The following DNAJC21 variants were observed in gnomAD, a reference collection of about 807,000 sequenced individuals.
The protein encoded by DNAJC21 is DnaJ heat shock protein family (Hsp40) member C21, also known as dnaJ homolog subfamily C member 21.
In DNAJC21, 63 loss-of-function variants were observed where a neutral mutation model predicts 72.4. The ratio of observed to expected loss-of-function variants is 0.87; its 90% confidence interval spans 0.71 to 1.07. DNAJC21 has a LOEUF of 1.07. DNAJC21 is among the 50% of genes least tolerant of loss of function. The probability of loss-of-function intolerance (pLI) is 0.00; values close to 1 mark genes in which losing one functional copy is unlikely to be tolerated. For missense variants in DNAJC21, 634 were observed against 644.8 expected, an observed-to-expected ratio of 0.98 and a Z score of 0.18; for synonymous variants, 203 against 216.7, an observed-to-expected ratio of 0.94 and a Z score of 0.56.
intron 10 of DNAJC21, chr5:34,951,562 C>G: frequency 2.0e-6 from 2 of 981,646 alleles, no homozygotes; most frequent in Non-Finnish European, 2.4e-6. Context: ...GAGTCTCGCT[C>G]TGTTGCCCAG....
rs1765541694 is a variant in DNAJC21, at chr5:34,956,475, C to T, written c.*1761C>T. 1 of 152,060 alleles carries T rather than the reference C, an allele frequency of 6.6e-6. No homozygotes were observed. Among genetic ancestry groups the T allele is most frequent in the African/African-American group, 2.4e-5 (1 of 41,382 alleles). 9.4% of individuals were successfully genotyped at this position (152,060 alleles called of 1,614,324 possible). A position where few individuals can be genotyped will look rare whatever the true frequency, so the allele number is the denominator to read the frequency against. On this transcript the variant is annotated 3_prime_UTR_variant, in exon 12 of 12. Coordinates refer to ENST00000648817, the MANE Select transcript of DNAJC21 (RefSeq NM_001012339.3). Reference sequence around the variant, plus strand: ...CAGTTTTGTATCTTCTGATCTCGTACCCTGAGACTTCATCTGAATGTGCTC... The same window carrying T: ...CAGTTTTGTATCTTCTGATCTCGTATCCTGAGACTTCATCTGAATGTGCTC...
At chr5:34,934,990 C>A (rs1764724222) in intron 2 of DNAJC21, among the ~76,000 whole-genome samples, 2 of 152,278 alleles carry the variant, frequency 1.3e-5, no homozygotes, top group Admixed American at 1.3e-4. Flanking sequence ...CTTTTGCCTA[C>A]TCTCTTCTCA....
chr5:34,945,096 GA>G, intron 8 of DNAJC21, 71 bp downstream of exon 8: 1 of 1,544,510 alleles, frequency 6.5e-7, no homozygotes, highest in Non-Finnish European at 8.8e-7. Context: ...GGTTTTTTTT[GA>G]GATGGAGAAT....
chr5:34,943,827 T>C (rs905907180), intron 7 of DNAJC21, among the ~76,000 whole-genome samples: 3 of 152,238 alleles, frequency 2.0e-5, no homozygotes, highest in Non-Finnish European at 4.4e-5. Flanking sequence ...TTTCTTTTTT[T>C]CAGTGTTTTA....
chr5:34,936,057 T>G, intron 3 of DNAJC21, 87 bp from the exon 4 acceptor site: 1 of 1,534,242 alleles, frequency 6.5e-7, no homozygotes, highest in Non-Finnish European at 8.7e-7. Context: ...TCTTCAACAT[T>G]AAAATTTTTC....
rs1764524404 is a variant in DNAJC21, at chr5:34,929,884, C to T, written c.65C>T (p.Ala22Val). ...RDASEEELKK[A>V]YRKLALKWHP... ...GCCAGCGAGGAGGAGCTCAAGAAGGCCTATCGGAAGCTGGCCCTGAAATGG... is the reference window on the plus strand; with the variant it reads ...GCCAGCGAGGAGGAGCTCAAGAAGGTCTATCGGAAGCTGGCCCTGAAATGG... The change falls in exon 1 of 12, where the codon GCC becomes GTC. Residue 22 changes from alanine to valine, a missense_variant. Ala to Val is a moderately conservative substitution (Grantham distance 64). Coordinates refer to ENST00000648817, the MANE Select transcript of DNAJC21 (RefSeq NM_001012339.3). The T allele has an allele frequency of 6.3e-7, 1 of 1,584,472 alleles. No individual in the cohort carries two copies. Among genetic ancestry groups the T allele is most frequent in the Non-Finnish European group, 8.6e-7 (1 of 1,166,218 alleles).
chr5:34,946,550 A>T (rs1309789722), intron 9 of DNAJC21, among the ~76,000 whole-genome samples: 1 of 152,146 alleles, frequency 6.6e-6, no homozygotes, highest in African/African-American at 2.4e-5. Flanking sequence ...TATATTTAAT[A>T]GTCTTTTTTA....
At position 34,936,212 on chromosome 5, in the gene DNAJC21, G is replaced by A; in HGVS notation, c.384G>A (p.Glu128=). The change falls in exon 4 of 12, where the codon GAG becomes GAA. Residue 128 remains glutamate, a synonymous_variant. Coordinates refer to ENST00000648817, the MANE Select transcript of DNAJC21 (RefSeq NM_001012339.3). ...IAKEELESVL[E]EEVDDFPTFG... is the part of the protein sequence containing the mutation. ...AGGAAGAACTAGAATCTGTGTTAGA[G>A]GAAGAGGTTGATGATTTCCCAACTT... is the stretch of plus-strand genomic sequence containing the variant. 6.2e-7 allele frequency: 1 copy of A among 1,614,092 alleles called. No homozygotes were observed. The highest frequency in any genetic ancestry group is 2.2e-5 in the East Asian group (1 of 44,856).
chr5:34,940,969 A>T, intron 6 of DNAJC21, 127 bp from the exon 7 acceptor site: 1 of 770,952 alleles, frequency 1.3e-6, no homozygotes, highest in Non-Finnish European at 2.1e-6. Context: ...TAAAAAGCCA[A>T]CTCAAATCCT....
intron 8 of DNAJC21, among the ~76,000 whole-genome samples, chr5:34,945,327 C>T (rs1339054810): frequency 3.9e-5 from 6 of 152,202 alleles, no homozygotes; most frequent in Non-Finnish European, 8.8e-5. Context: ...ATTCACCTGC[C>T]TCAGCCTCCC....
intron 9 of DNAJC21, among the ~76,000 whole-genome samples, chr5:34,947,366 G>A (rs1433338192): frequency 6.6e-6 from 1 of 152,112 alleles, no homozygotes; most frequent in Non-Finnish European, 1.5e-5. Flanking sequence ...TATTGGTGTG[G>A]TATTTTTGAA....
At chr5:34,934,895 A>T (rs1049581225) in intron 2 of DNAJC21, among the ~76,000 whole-genome samples, 1 of 152,226 alleles carries the variant, frequency 6.6e-6, no homozygotes, top group Admixed American at 6.5e-5. Context: ...GATCCTGAAC[A>T]TTTCTCTACT....
At position 34,953,938 on chromosome 5, in the gene DNAJC21, C is replaced by G. The variant is rs769658629; in HGVS notation, c.1371C>G (p.Pro457=). 2.1e-5 allele frequency: 34 copies of G among 1,610,472 alleles called. No homozygotes were observed. Among genetic ancestry groups the G allele is most frequent in the Non-Finnish European group, 2.5e-5 (29 of 1,178,686 alleles). Residue 457 remains proline, a synonymous_variant, in exon 11 of 12, where the codon CCC becomes CCG. Coordinates refer to ENST00000648817, the MANE Select transcript of DNAJC21 (RefSeq NM_001012339.3). ...PKSEAKSVPK[P]KGKKTKDMKK... ...ATTTATTTTCCAGTGTTCCTAAACCCAAAGGAAAGAAAACCAAAGATATGA... is the reference window on the plus strand; with the variant it reads ...ATTTATTTTCCAGTGTTCCTAAACCGAAAGGAAAGAAAACCAAAGATATGA...
In DNAJC21 at chr5:34,939,063, A is replaced by C. The variant is rs940519926; in HGVS notation, c.895+54A>C. On this transcript the variant is annotated intron_variant, in intron 6 of 11. Coordinates refer to ENST00000648817, the MANE Select transcript of DNAJC21 (RefSeq NM_001012339.3). ...TTTTGTTTTTTAAGTGAAGCTGGAA[A>C]TCTCCTTGCTTATTTGACATCTCCC... is the stretch of plus-strand genomic sequence containing the variant. 7 of 1,429,666 alleles carry C rather than the reference A, an allele frequency of 4.9e-6. No homozygotes were observed. The African/African-American group carries it at 1.0e-4, about 21-fold the overall frequency. The allele number at this position is 1,429,666 out of a possible 1,614,324, so 88.6% of individuals were successfully genotyped here.
intron 10 of DNAJC21, chr5:34,953,716 TG>T (rs1765451021): frequency 2.3e-6 from 1 of 442,170 alleles, no homozygotes; most frequent in South Asian, 4.2e-5. Flanking sequence ...CCTTAATTTT[TG>T]TGCCAAATTT....
rs1765563536 is a variant in DNAJC21, at chr5:34,957,276, C to G, written c.*2562C>G. On this transcript the variant is annotated 3_prime_UTR_variant, in exon 12 of 12. Coordinates refer to ENST00000648817, the MANE Select transcript of DNAJC21 (RefSeq NM_001012339.3). ...GTACCCATCTTGATTGAAGTTAGCT[C>G]AGATGTGGAGATTCATAGAATGAGG... is the stretch of plus-strand genomic sequence containing the variant. 1.3e-5 allele frequency: 2 copies of G among 152,160 alleles called. No individual in the cohort carries two copies. The highest frequency in any genetic ancestry group is 4.8e-5 in the African/African-American group (2 of 41,434). The allele number at this position is 152,160 out of a possible 1,614,324, so 9.4% of individuals were successfully genotyped here.
At chr5:34,949,516 T>G (rs1231008399) in intron 9 of DNAJC21, 1 of 1,551,776 alleles carries the variant, frequency 6.4e-7, no homozygotes, top group African/African-American at 1.4e-5. Flanking sequence ...GTGTGAGTAT[T>G]GTGCCAGAGA....
chr5:34,950,594 G>T, intron 10 of DNAJC21: 2 of 1,109,142 alleles, frequency 1.8e-6, no homozygotes, highest in South Asian at 3.5e-5. Flanking sequence ...CTTTGATCCA[G>T]TTCTTGTTTA....
At chr5:34,943,606 A>G (rs1179587468) in intron 7 of DNAJC21, among the ~76,000 whole-genome samples, 1 of 152,216 alleles carries the variant, frequency 6.6e-6, no homozygotes, top group Non-Finnish European at 1.5e-5. Flanking sequence ...CTTTAAAACT[A>G]TGCAGATATC....
Sources: gnomAD v4.1 joint callset for allele counts (sites outside exome capture counted in the v4.1 genomes callset) on GRCh38, gnomAD v4.1.1 for gene constraint, MANE v1.5 for transcripts, NCBI Gene and HGNC (gene_info 2026-07-23, HGNC 2026-07-21) for gene names.